The following LRP5 variants were observed in gnomAD, a reference collection of about 807,000 sequenced individuals.
The protein encoded by LRP5 is LDL receptor related protein 5, also known as low-density lipoprotein receptor-related protein 5.
In LRP5, 62 loss-of-function variants were observed where a neutral mutation model predicts 154.1. That is an observed-to-expected ratio of 0.40 (90% CI 0.33 to 0.50). The LOEUF (loss-of-function observed/expected upper bound fraction) is 0.50, where lower values mean the gene tolerates loss of function less well. Ranked by LOEUF, LRP5 falls within the 20% of genes least tolerant of loss-of-function variation. The pLI is 0.55. For synonymous variants in LRP5, 966 were observed against 1,011.5 expected (o/e 0.96, Z 0.85); for missense variants, 1,915 against 2,336.7 (o/e 0.82, Z 3.72).
chr11:68,351,395 G>A (rs1001220115), intron 2 of LRP5, among the ~76,000 whole-genome samples: 7 of 152,162 alleles, frequency 4.6e-5, no homozygotes, highest in African/African-American at 7.2e-5. Flanking sequence ...TCCAGGAGTC[G>A]CGGGGTTACT....
upstream of LRP5, among the ~76,000 whole-genome samples, chr11:68,308,295 G>C (rs150102363): frequency 6.6e-5 from 10 of 152,292 alleles, no homozygotes; most frequent in Middle Eastern, 3.4e-3. Flanking sequence ...CACAGAGCCA[G>C]CACGTTCCAG....
At chr11:68,309,261 C>T (rs939993322), upstream of LRP5, among the ~76,000 whole-genome samples, 2 of 146,726 alleles carry the variant, frequency 1.4e-5, no homozygotes, top group African/African-American at 2.5e-5. Flanking sequence ...GAGACGGAGT[C>T]TTGCTCTGTC....
chr11:68,356,980 G>A (rs1040352605), intron 2 of LRP5, among the ~76,000 whole-genome samples: 23 of 150,344 alleles, frequency 1.5e-4, no homozygotes, highest in Admixed American at 4.0e-4. Context: ...CTGTCGCCCA[G>A]GATGGAGTGC....
chr11:68,299,654 C>G, the LRP5 span, among the ~76,000 whole-genome samples: 1 of 149,404 alleles, frequency 6.7e-6, no homozygotes, highest in Non-Finnish European at 1.5e-5. Context: ...GCAATCTCAG[C>G]TCACTGTAGC....
intron 17 of LRP5, among the ~76,000 whole-genome samples, chr11:68,431,961 A>G (rs904778872): frequency 6.6e-6 from 1 of 152,040 alleles, no homozygotes; most frequent in Admixed American, 6.6e-5. Context: ...GGTGCTTGTC[A>G]TTCTCTTGTG....
At chr11:68,430,616 A>G (rs947440623) in intron 17 of LRP5, among the ~76,000 whole-genome samples, 4 of 152,250 alleles carry the variant, frequency 2.6e-5, no homozygotes, top group Admixed American at 2.6e-4. Flanking sequence ...AGTGCTCATC[A>G]GGTTGTCTCT....
chr11:68,313,237 G>T (rs886664180), intron 1 of LRP5, among the ~76,000 whole-genome samples: 7 of 151,742 alleles, frequency 4.6e-5, no homozygotes, highest in African/African-American at 1.7e-4. Context: ...CGGCCGCCCC[G>T]CGTGCTCCGA....
chr11:68,354,427 G>A (rs2098621371), intron 2 of LRP5, among the ~76,000 whole-genome samples: 1 of 152,204 alleles, frequency 6.6e-6, no homozygotes, highest in African/African-American at 2.4e-5. Flanking sequence ...TTTTCCATGG[G>A]CCACGGTGGA....
At chr11:68,381,318 G>A (rs1174139168) in intron 5 of LRP5, among the ~76,000 whole-genome samples, 2 of 152,216 alleles carry the variant, frequency 1.3e-5, no homozygotes, top group Non-Finnish European at 2.9e-5. Context: ...CTGGTTGGTG[G>A]CGATGTGTCA....
chr11:68,356,096 G>A (rs926688918), intron 2 of LRP5, among the ~76,000 whole-genome samples: 72 of 150,930 alleles, frequency 4.8e-4, no homozygotes, highest in Non-Finnish European at 7.8e-4. Context: ...CGCCCATCTC[G>A]GCCTCCCAAA....
chr11:68,339,636 A>T (rs558553088), intron 1 of LRP5, among the ~76,000 whole-genome samples: 16 of 152,194 alleles, frequency 1.1e-4, no homozygotes, highest in Admixed American at 2.0e-4. Context: ...GTGAGCCACC[A>T]TACCTGGCCA....
At chr11:68,436,092 TCTA>T (rs2098674723) in intron 18 of LRP5, among the ~76,000 whole-genome samples, 2 of 152,230 alleles carry the variant, frequency 1.3e-5, no homozygotes, top group African/African-American at 4.8e-5. Context: ...CTCGTCCCGC[TCTA>T]GCTTCTCCTC....
intron 1 of LRP5, among the ~76,000 whole-genome samples, chr11:68,318,211 C>T (rs1338213054): frequency 3.3e-5 from 5 of 151,942 alleles, no homozygotes; most frequent in South Asian, 2.1e-4. Context: ...CCCGCCACCA[C>T]GCCCGGCTAA....
At chr11:68,347,457 CCT>C (rs779602075) in intron 1 of LRP5, among the ~76,000 whole-genome samples, 3 of 152,192 alleles carry the variant, frequency 2.0e-5, no homozygotes, top group Non-Finnish European at 4.4e-5. Flanking sequence ...GTCCCCATCC[CCT>C]GTGTCAGGCC....
At position 68,335,678 on chromosome 11, in the gene LRP5, G is replaced by A. The variant is rs187322296; in HGVS notation, c.92-12169G>A. On this transcript the variant is annotated intron_variant, in intron 1 of 22. Transcript: ENST00000294304. ...CTCATGCATATTCTCTCTGTAAGGC[G>A]TGGGGCAGCCTCATGCACCTAGGAG... Among the ~76,000 whole-genome samples the A allele has an allele frequency of 3.3e-5, 5 of 152,276 alleles. 1 individual carries two copies. In the East Asian group the frequency reaches 5.8e-4, roughly 18 times the overall value.
intron 3 of LRP5, among the ~76,000 whole-genome samples, chr11:68,362,145 T>C (rs1411229700): frequency 6.6e-6 from 1 of 152,094 alleles, no homozygotes; most frequent in Non-Finnish European, 1.5e-5. Flanking sequence ...CTCGAAAACA[T>C]GGTGCCAAGT....
chr11:68,425,151 G>A lies in LRP5; in HGVS notation c.3286G>A (p.Ala1096Thr), dbSNP rs189758820. The A allele has an allele frequency of 8.9e-5, 143 of 1,613,812 alleles. 1 individual carries two copies. Among genetic ancestry groups the A allele is most frequent in the Non-Finnish European group, 1.1e-4 (135 of 1,179,972 alleles). Residue 1096 changes from alanine (A) to threonine (T), a missense_variant, in exon 15 of 23, where the codon GCA becomes ACA. Ala to Thr is a moderately conservative substitution (Grantham distance 58). Transcript: ENST00000294304. Reference protein sequence around the residue: ...MQDRAAKIERAALDGTEREVL... With the variant: ...MQDRAAKIERTALDGTEREVL... ...GGACCGGGCAGCCAAGATCGAACGC[G>A]CAGCCCTGGACGGCACCGAGCGCGA...
intron 12 of LRP5, among the ~76,000 whole-genome samples, chr11:68,416,105 A>G (rs1211861564): frequency 6.6e-6 from 1 of 152,154 alleles, no homozygotes; most frequent in Admixed American, 6.6e-5. Context: ...TCTATTTCAA[A>G]AATAACACAT....
At chr11:68,300,077 T>C in the LRP5 span, among the ~76,000 whole-genome samples, 6 of 148,338 alleles carry the variant, frequency 4.0e-5, no homozygotes, top group African/African-American at 1.5e-4. Context: ...GATACAGGGT[T>C]TCACCATGCT....
Sources: allele counts gnomAD v4.1 joint callset (sites outside exome capture counted in the v4.1 genomes callset), GRCh38; gene constraint gnomAD v4.1.1; transcripts MANE v1.5; gene names NCBI Gene and HGNC (gene_info 2026-07-23, HGNC 2026-07-21).